The following BTN2A1 variants were observed in gnomAD, a reference collection of about 807,000 sequenced individuals.
The protein encoded by BTN2A1 is butyrophilin, subfamily 2, member A1.
BTN2A1 carries 41 observed loss-of-function variants against 34.5 expected under a neutral mutation model. The ratio of observed to expected loss-of-function variants is 1.19; its 90% confidence interval spans 0.93 to 1.54. BTN2A1 has a LOEUF of 1.54. BTN2A1 is among the 40% of genes most tolerant of loss of function. BTN2A1 has a pLI of 0.00. For synonymous variants in BTN2A1, 267 were observed against 258.6 expected (o/e 1.03, Z -0.31); for missense variants, 642 against 662.0 (o/e 0.97, Z 0.33).
rs1227080221 is a variant in BTN2A1, at chr6:26,463,317, A to G, written c.504A>G (p.Arg168=). The change falls in exon 4 of 8, where the codon AGA becomes AGG. Residue 168 remains arginine, a synonymous_variant. Coordinates refer to ENST00000312541, the MANE Select transcript of BTN2A1 (RefSeq NM_007049.5). The part of the protein sequence containing the change: ...DGGIRLECIS[R]GWYPKPLTVW... The stretch of plus-strand genomic sequence containing the variant: ...GCATCCGGCTGGAGTGCATATCTAG[A>G]GGGTGGTACCCAAAGCCCCTCACAG... 19 of 1,614,048 alleles carry G rather than the reference A, an allele frequency of 1.2e-5. No individual in the cohort carries two copies. Among genetic ancestry groups the G allele is most frequent in the Non-Finnish European group, 1.6e-5 (19 of 1,179,980 alleles).
chr6:26,467,274 AAAG>A (rs1366780578), intron 7 of BTN2A1, among the ~76,000 whole-genome samples: 36 of 152,266 alleles, frequency 2.4e-4, no homozygotes, highest in Middle Eastern at 6.8e-3. Context: ...GTTTCTAAGT[AAAG>A]AAAATCCCAG....
chr6:26,476,249 A>T (rs1321177815), exon 8 of BTN2A1: 9 of 1,408,848 alleles, frequency 6.4e-6, no homozygotes, highest in Non-Finnish European at 8.7e-6. Context: ...TGACCAGAGC[A>T]CTCCAAGTTG....
At chr6:26,460,413 G>C (rs78026774) in intron 3 of BTN2A1, among the ~76,000 whole-genome samples, 5,194 of 152,292 alleles carry the variant, frequency 0.034, 107 homozygotes, top group Middle Eastern at 0.071. Context: ...TAAATAGATG[G>C]TTTTATTAAA....
At position 26,468,757 on chromosome 6, in the gene BTN2A1, A is replaced by G. The variant is rs1192861179; in HGVS notation, c.*208A>G. On this transcript the variant is annotated 3_prime_UTR_variant, in exon 8 of 8. Coordinates refer to ENST00000312541, the MANE Select transcript of BTN2A1 (RefSeq NM_007049.5). Reference sequence around the variant, plus strand: ...TGTTTTTAGTAGTTCCTTTGCTTGTAACTATGGGATGGGATCCAGGCATAG... The same window carrying G: ...TGTTTTTAGTAGTTCCTTTGCTTGTGACTATGGGATGGGATCCAGGCATAG... The G allele has an allele frequency of 3.7e-6, 6 of 1,608,646 alleles. No homozygotes were observed. The Admixed American group carries it at 5.0e-5, about 13-fold the overall frequency.
Position 26,465,317 on chromosome 6 carries a change from A to C in BTN2A1, c.845A>C (p.Glu282Ala). Residue 282 changes from glutamate (E) to alanine (A), a missense_variant, in exon 5 of 8, where the codon GAA (glutamate) becomes GCA (alanine). Physicochemically the swap from Glu to Ala is moderately radical, Grantham distance 107. Coordinates refer to ENST00000312541, the MANE Select transcript of BTN2A1 (RefSeq NM_007049.5). ...LQKEKKILSG[E>A]KEFERETREI... ...AAGGAAAAAAAGATTCTGTCAGGGG[A>C]AAAGGAGTTTGAACGGGAAACAAGA... is the stretch of plus-strand genomic sequence containing the variant. 1 of 1,614,138 alleles carries C rather than the reference A, an allele frequency of 6.2e-7. No homozygotes were observed. Among genetic ancestry groups the C allele is most frequent in the Middle Eastern group, 1.7e-4 (1 of 6,060 alleles).
rs1052244042 is a variant in BTN2A1, at chr6:26,468,171, C to T, written c.1206C>T (p.Val402=). The change falls in exon 8 of 8, where the codon GTC becomes GTT. Residue 402 remains valine, a synonymous_variant. Transcript: ENST00000312541. ...ACGTGATTGAGTGGACTGTGGGGGT[C>T]TGTAGAGACAGTGTTGAGAGGAAAG... ...VENVIEWTVG[V]CRDSVERKGE... is the part of the protein sequence containing the mutation. The T allele has an allele frequency of 6.2e-7, 1 of 1,614,116 alleles. No homozygotes were observed. The highest frequency in any genetic ancestry group is 8.5e-7 in the Non-Finnish European group (1 of 1,180,026).
In BTN2A1 at chr6:26,459,524, G is replaced by C. The variant is rs772705310; in HGVS notation, c.126G>C (p.Thr42=). 1 of 1,613,958 alleles carries C rather than the reference G, an allele frequency of 6.2e-7. No individual in the cohort carries two copies. Among genetic ancestry groups the C allele is most frequent in the Non-Finnish European group, 8.5e-7 (1 of 1,179,898 alleles). The change falls in exon 3 of 8, where the codon ACG becomes ACC. Residue 42 remains threonine (T), a synonymous_variant. Coordinates refer to ENST00000312541, the MANE Select transcript of BTN2A1 (RefSeq NM_007049.5). ...GGCCCACTGATCCCATCTTGGCCACGGTTGGAGAAAACACTACGTTACGCT... is the reference window on the plus strand; with the variant it reads ...GGCCCACTGATCCCATCTTGGCCACCGTTGGAGAAAACACTACGTTACGCT... The part of the protein sequence containing the change: ...VVGPTDPILA[T]VGENTTLRCH...
At chr6:26,459,214 A>T (rs1763092046) in intron 2 of BTN2A1, among the ~76,000 whole-genome samples, 1 of 152,178 alleles carries the variant, frequency 6.6e-6, no homozygotes, top group South Asian at 2.1e-4. Context: ...GAAATCGAGG[A>T]AAATCCCCTC....
intron 5 of BTN2A1, 24 bp downstream of exon 5, chr6:26,465,430 C>T: frequency 6.2e-7 from 1 of 1,608,404 alleles, no homozygotes; most frequent in Non-Finnish European, 8.5e-7. Flanking sequence ...AGTATGGTGG[C>T]TCATGGCTTG....
chr6:26,468,304 C>T lies in BTN2A1; in HGVS notation c.1339C>T (p.Leu447Phe). ...PDRILPLKES[L>F]CRVGVFLDYE... ...TAGGATTCTCCCTTTGAAGGAGTCC[C>T]TTTGCCGGGTGGGCGTCTTCCTGGA... The change falls in exon 8 of 8, where the codon CTT becomes TTT. Residue 447 changes from leucine to phenylalanine, a missense_variant. Physicochemically the swap from Leu to Phe is conservative, Grantham distance 22. Coordinates refer to ENST00000312541, the MANE Select transcript of BTN2A1 (RefSeq NM_007049.5). 1 of 1,614,224 alleles carries T rather than the reference C, an allele frequency of 6.2e-7. No homozygotes were observed.
intron 3 of BTN2A1, among the ~76,000 whole-genome samples, chr6:26,462,413 G>A (rs6900118): frequency 0.23 from 34,541 of 152,144 alleles, 8,503 homozygotes; most frequent in African/African-American, 0.62. Flanking sequence ...CAAGAATGGT[G>A]GAAAATGCCT....
At chr6:26,462,747 T>C in intron 3 of BTN2A1, 1 of 1,217,682 alleles carries the variant, frequency 8.2e-7, no homozygotes, top group Non-Finnish European at 1.1e-6. Flanking sequence ...AAAGGTTTCT[T>C]AGGATTCTGC....
chr6:26,461,504 C>T (rs895318106), intron 3 of BTN2A1, among the ~76,000 whole-genome samples: 10 of 152,184 alleles, frequency 6.6e-5, no homozygotes, highest in Non-Finnish European at 1.0e-4. Context: ...GACCCTGGGC[C>T]GAGTGCAGTG....
Position 26,459,795 on chromosome 6 carries a change from T to C in BTN2A1, c.397T>C (p.Tyr133His). 1 of 1,614,048 alleles carries C rather than the reference T, an allele frequency of 6.2e-7. No individual in the cohort carries two copies. The highest frequency in any genetic ancestry group is 1.7e-5 in the Admixed American group (1 of 60,010). ...YRCYFQEGRS[Y>H]DEAILHLVVA... ...CTGTTACTTCCAAGAAGGCAGGTCC[T>C]ACGATGAGGCCATCCTGCACCTCGT... is the stretch of plus-strand genomic sequence containing the variant. The change falls in exon 3 of 8, where the codon TAC becomes CAC. Residue 133 changes from tyrosine to histidine, a missense_variant. Tyr to His is a moderately conservative substitution (Grantham distance 83). Transcript: ENST00000312541.
At chr6:26,476,140 T>C in exon 8 of BTN2A1, 3 of 1,536,390 alleles carry the variant, frequency 2.0e-6, no homozygotes, top group Non-Finnish European at 2.6e-6. Flanking sequence ...TGAAGCTTTA[T>C]ATATCATTTA....
At chr6:26,461,208 G>T (rs1005227653) in intron 3 of BTN2A1, among the ~76,000 whole-genome samples, 1 of 152,200 alleles carries the variant, frequency 6.6e-6, no homozygotes, top group Non-Finnish European at 1.5e-5. Flanking sequence ...GTTTCTGCGC[G>T]GCAGGAATCT....
At position 26,463,483 on chromosome 6, in the gene BTN2A1, A is replaced by T; in HGVS notation, c.670A>T (p.Thr224Ser). Residue 224 changes from threonine to serine, a missense_variant, in exon 4 of 8, where the codon ACC (threonine) becomes TCC (serine). Coordinates refer to ENST00000312541, the MANE Select transcript of BTN2A1 (RefSeq NM_007049.5). ...GAACATGTCCTGCTCTATCAACAAC[A>T]CCCTGCTCGGCCAGAAGAAAGAAAG... ...VRNMSCSINN[T>S]LLGQKKESVI... 2 of 1,613,660 alleles carry T rather than the reference A, an allele frequency of 1.2e-6. No individual in the cohort carries two copies. Among genetic ancestry groups the T allele is most frequent in the Non-Finnish European group, 1.7e-6 (2 of 1,179,874 alleles).
In BTN2A1 at chr6:26,467,974, G is replaced by A. The variant is rs369006610; in HGVS notation, c.1009G>A (p.Ala337Thr). The change falls in exon 8 of 8, where the codon GCT becomes ACT. Residue 337 changes from alanine to threonine, a missense_variant. Physicochemically the swap from Ala to Thr is moderately conservative, Grantham distance 58. Coordinates refer to ENST00000312541, the MANE Select transcript of BTN2A1 (RefSeq NM_007049.5). ...AVDVVLDPDT[A>T]HPDLFLSEDR... ...TGATGTGGTCCTGGATCCAGACACCGCTCATCCCGATCTCTTCCTGTCAGA... is the reference window on the plus strand; with the variant it reads ...TGATGTGGTCCTGGATCCAGACACCACTCATCCCGATCTCTTCCTGTCAGA... The A allele has an allele frequency of 7.4e-6, 12 of 1,613,806 alleles. No homozygotes were observed. The highest frequency in any genetic ancestry group is 5.3e-5 in the African/African-American group (4 of 74,912).
intron 7 of BTN2A1, among the ~76,000 whole-genome samples, chr6:26,475,917 C>CTTAATGTAATG (rs1763530243): frequency 1.3e-5 from 2 of 152,018 alleles, no homozygotes; most frequent in Non-Finnish European, 2.9e-5. Flanking sequence ...TACATGAATC[C>CTTAATGTAATG]AGTGCAGGCA....
Sources: gnomAD v4.1 joint callset for allele counts (sites outside exome capture counted in the v4.1 genomes callset) on GRCh38, gnomAD v4.1.1 for gene constraint, MANE v1.5 for transcripts, NCBI Gene and HGNC (gene_info 2026-07-23, HGNC 2026-07-21) for gene names.